Variants in AP1B1 observed in about 807,000 individuals in gnomAD.
AP1B1 encodes the protein AP-1 complex subunit beta-1.
AP1B1 carries 36 observed loss-of-function variants against 104.3 expected under a neutral mutation model. The ratio of observed to expected loss-of-function variants is 0.35; its 90% CI spans 0.26 to 0.46. The LOEUF is 0.46. AP1B1 is among the 20% of genes least tolerant of loss of function. The pLI is 1.00. For synonymous variants in AP1B1, 504 were observed against 517.5 expected, an observed-to-expected ratio of 0.97 and a Z score of 0.35; for missense variants, 901 against 1,247.9, an observed-to-expected ratio of 0.72 and a Z score of 4.19.
At chr22:29,369,500 T>C (rs186478896) in intron 1 of AP1B1, among the ~76,000 whole-genome samples, 5 of 152,388 alleles carry the variant, frequency 3.3e-5, no homozygotes, top group South Asian at 2.1e-4. Context: ...CACTTTTCTA[T>C]GGGAGCTGCA....
At chr22:29,377,132 G>C (rs2062356735) in intron 1 of AP1B1, among the ~76,000 whole-genome samples, 1 of 149,960 alleles carries the variant, frequency 6.7e-6, no homozygotes, top group Non-Finnish European at 1.5e-5. Context: ...GGAGGCGGGG[G>C]TTGCAGTAAG....
intron 17 of AP1B1, 59 bp downstream of exon 17, chr22:29,334,206 G>C (rs1054726867): frequency 1.6e-5 from 21 of 1,347,394 alleles, no homozygotes; most frequent in African/African-American, 6.0e-5. Flanking sequence ...AACAGACTCC[G>C]AGTGGGTTCT....
chr22:29,347,892 A>G (rs1205902171), intron 11 of AP1B1, among the ~76,000 whole-genome samples: 1 of 152,258 alleles, frequency 6.6e-6, no homozygotes, highest in Non-Finnish European at 1.5e-5. Flanking sequence ...GCAGATGTGC[A>G]TTACACAGGT....
intron 1 of AP1B1, among the ~76,000 whole-genome samples, chr22:29,382,604 A>G (rs1309676755): frequency 6.6e-6 from 1 of 152,078 alleles, no homozygotes; most frequent in African/African-American, 2.4e-5. Flanking sequence ...AAGAGGAGGG[A>G]AGGAGGATAG....
Position 29,359,930 on chromosome 22 carries a change from A to T in AP1B1, c.173T>A (p.Met58Lys). Residue 58 changes from methionine to lysine, a missense_variant, in exon 4 of 23, where the codon ATG (methionine) becomes AAG (lysine). Transcript: ENST00000357586. The part of the protein sequence containing the change: ...SALFPDVVNC[M>K]QTDNLELKKL... ...CTTCAGCTCCAGGTTGTCCGTCTGC[A>T]TGCAGTTGACCACATCGGGGAAGAG... 1 of 1,614,014 alleles carries T rather than the reference A, an allele frequency of 6.2e-7. No homozygotes were observed. The highest frequency in any genetic ancestry group is 1.3e-5 in the African/African-American group (1 of 75,054).
At chr22:29,383,134 G>A (rs2062463587) in intron 1 of AP1B1, among the ~76,000 whole-genome samples, 1 of 152,166 alleles carries the variant, frequency 6.6e-6, no homozygotes, top group African/African-American at 2.4e-5. Flanking sequence ...CCAGGCATTA[G>A]CAGGCCTCGA....
At chr22:29,354,188 G>A (rs987262078) in intron 7 of AP1B1, among the ~76,000 whole-genome samples, 1 of 152,146 alleles carries the variant, frequency 6.6e-6, no homozygotes, top group African/African-American at 2.4e-5. Flanking sequence ...TCTGTCCCCC[G>A]AAGAAATGTA....
In AP1B1 at chr22:29,340,642, G is replaced by C; in HGVS notation, c.1998+14C>G. On this transcript the variant is annotated intron_variant, in intron 14 of 22. Coordinates refer to ENST00000357586, the MANE Select transcript of AP1B1 (RefSeq NM_001127.4). ...ATCATTATCAACATCATCCAGAGGGGGCCCACAACATACCAGGCTGTCAAG... is the reference window on the plus strand; with the variant it reads ...ATCATTATCAACATCATCCAGAGGGCGCCCACAACATACCAGGCTGTCAAG... The C allele has an allele frequency of 2.0e-6, 3 of 1,526,652 alleles. No individual in the cohort carries two copies. The highest frequency in any genetic ancestry group is 2.7e-6 in the Non-Finnish European group (3 of 1,131,708). The allele number at this position is 1,526,652 out of a possible 1,614,324, so 94.6% of individuals were successfully genotyped here. A position where few individuals can be genotyped will look rare whatever the true frequency, so the allele number is the denominator to read the frequency against.
At chr22:29,339,911 T>G in intron 14 of AP1B1, 137 bp from the exon 15 acceptor site, 1 of 974,640 alleles carries the variant, frequency 1.0e-6, no homozygotes, top group Non-Finnish European at 1.6e-6. Flanking sequence ...GAGAGGAGTG[T>G]GGTGTGAGGT....
rs73403039 is a variant in AP1B1, at chr22:29,355,765, A to T, written c.716+661T>A. On this transcript the variant is annotated intron_variant, in intron 6 of 22. Coordinates refer to ENST00000357586, the MANE Select transcript of AP1B1 (RefSeq NM_001127.4). ...ATAAAAATTAGCTGCTCATGTTGGC[A>T]TGCAGATGTCTGTAGTCCCAGCTAC... Among the ~76,000 whole-genome samples the T allele has an allele frequency of 8.4e-3, 1,266 of 151,142 alleles. 20 individuals carry two copies. The highest frequency in any genetic ancestry group is 0.029 in the African/African-American group (1,210 of 41,186).
chr22:29,346,794 T>TGGGG (rs112494263), intron 11 of AP1B1, among the ~76,000 whole-genome samples: 6 of 147,586 alleles, frequency 4.1e-5, no homozygotes, highest in African/African-American at 1.3e-4. Flanking sequence ...CAGGTGGCAG[T>TGGGG]GGGGGGGGGT....
At chr22:29,369,693 T>C (rs2062200513) in intron 1 of AP1B1, among the ~76,000 whole-genome samples, 1 of 152,142 alleles carries the variant, frequency 6.6e-6, no homozygotes, top group African/African-American at 2.4e-5. Flanking sequence ...GCCCGGCACA[T>C]AGCAAGTATT....
chr22:29,346,902 C>T (rs1256367564), intron 11 of AP1B1, among the ~76,000 whole-genome samples: 3 of 152,224 alleles, frequency 2.0e-5, no homozygotes, highest in Non-Finnish European at 4.4e-5. Flanking sequence ...CACTGGCTTT[C>T]CTTCAGAGCC....
intron 8 of AP1B1, 136 bp from the exon 9 acceptor site, chr22:29,351,402 G>T: frequency 9.3e-7 from 1 of 1,076,332 alleles, no homozygotes; most frequent in Non-Finnish European, 1.4e-6. Flanking sequence ...AGGCCCAAGG[G>T]AGAGAGCTGG....
intron 3 of AP1B1, 102 bp downstream of exon 3, chr22:29,362,899 T>C (rs1332916154): frequency 1.5e-6 from 1 of 687,522 alleles, no homozygotes; most frequent in South Asian, 1.7e-5. Context: ...AGGGGAGACA[T>C]GGGTCCCTAG....
At chr22:29,341,220 C>G (rs1302736722) in intron 13 of AP1B1, among the ~76,000 whole-genome samples, 1 of 152,234 alleles carries the variant, frequency 6.6e-6, no homozygotes, top group African/African-American at 2.4e-5. Flanking sequence ...TGGTCTGAGT[C>G]CCAGCTCTGC....
chr22:29,330,849 C>G lies in AP1B1; in HGVS notation c.2525-140G>C, dbSNP rs1454397498. On this transcript the variant is annotated intron_variant, in intron 19 of 22. Transcript: ENST00000357586. ...AGGCACTAGCTGCCGCACAGCCCTCCTGCTTCCCTAAGCACACCCTCCGCT... is the reference window on the plus strand; with the variant it reads ...AGGCACTAGCTGCCGCACAGCCCTCGTGCTTCCCTAAGCACACCCTCCGCT... The G allele has an allele frequency of 4.2e-6, 3 of 716,650 alleles. No homozygotes were observed. In the East Asian group the frequency reaches 8.1e-5, roughly 19 times the overall value. 44.4% of individuals were successfully genotyped at this position (716,650 alleles called of 1,614,324 possible). A position where few individuals can be genotyped will look rare whatever the true frequency, so the allele number is the denominator to read the frequency against.
At chr22:29,360,447 A>G (rs987775244) in intron 3 of AP1B1, among the ~76,000 whole-genome samples, 6 of 152,184 alleles carry the variant, frequency 3.9e-5, no homozygotes, top group African/African-American at 1.4e-4. Context: ...CCTCTCTGAT[A>G]CTTAATGTGG....
chr22:29,371,892 C>T (rs2062245009), intron 1 of AP1B1, among the ~76,000 whole-genome samples: 2 of 152,186 alleles, frequency 1.3e-5, no homozygotes, highest in Admixed American at 6.5e-5. Flanking sequence ...AGACAGCATT[C>T]TGGGCTGGGA....
Sources: allele counts gnomAD v4.1 joint callset (sites outside exome capture counted in the v4.1 genomes callset), GRCh38; gene constraint gnomAD v4.1.1; transcripts MANE v1.5; gene names NCBI Gene and HGNC (gene_info 2026-07-23, HGNC 2026-07-21).